PDE8A: variants seen among roughly 807,000 people sequenced by gnomAD.
The protein encoded by PDE8A is high affinity cAMP-specific and IBMX-insensitive 3',5'-cyclic phosphodiesterase 8A.
In PDE8A, 59 loss-of-function variants were observed where a neutral mutation model predicts 105.0. The observed-to-expected ratio is 0.56, with a 90% CI of 0.46 to 0.70. The LOEUF is 0.70. Among genes scored for constraint, PDE8A ranks in the 30% least tolerant of loss-of-function variants. PDE8A has a pLI of 0.00. For synonymous variants in PDE8A, 355 were observed against 371.9 expected, an observed-to-expected ratio of 0.95 and a Z score of 0.52; for missense variants, 1,014 against 1,045.9, an observed-to-expected ratio of 0.97 and a Z score of 0.42.
chr15:85,037,074 T>G (rs1267552915), intron 1 of PDE8A, among the ~76,000 whole-genome samples: 4 of 151,886 alleles, frequency 2.6e-5, no homozygotes, highest in Non-Finnish European at 5.9e-5. Flanking sequence ...AATTTTTTTT[T>G]TTTTTTTGGA....
At chr15:85,018,981 A>G (rs967360509) in intron 1 of PDE8A, among the ~76,000 whole-genome samples, 2 of 152,130 alleles carry the variant, frequency 1.3e-5, no homozygotes, top group Non-Finnish European at 2.9e-5. Context: ...GTATTTTTGC[A>G]TCATGTAGAA....
intron 4 of PDE8A, among the ~76,000 whole-genome samples, 185 bp downstream of exon 4, chr15:85,076,103 T>C (rs545871647): frequency 2.0e-4 from 30 of 152,346 alleles, no homozygotes; most frequent in Non-Finnish European, 1.2e-4. Flanking sequence ...TGTGCTCTCA[T>C]GCTAGATTTT....
intron 1 of PDE8A, among the ~76,000 whole-genome samples, chr15:85,035,136 A>G (rs751252160): frequency 6.6e-6 from 1 of 151,538 alleles, no homozygotes; most frequent in Non-Finnish European, 1.5e-5. Context: ...GAGCAACTCA[A>G]AACCTGGTAT....
chr15:84,987,903 A>G (rs536873812), intron 1 of PDE8A, among the ~76,000 whole-genome samples: 2 of 152,310 alleles, frequency 1.3e-5, no homozygotes, highest in South Asian at 2.1e-4. Context: ...AGGGATAAGT[A>G]CTTAGGACAT....
intron 1 of PDE8A, among the ~76,000 whole-genome samples, chr15:85,050,667 G>A (rs961666808): frequency 6.6e-6 from 1 of 152,010 alleles, no homozygotes; most frequent in Admixed American, 6.5e-5. Context: ...TAGTTCGTTG[G>A]TCTGTATGTC....
intron 17 of PDE8A, 32 bp from the exon 18 acceptor site, chr15:85,120,765 A>T: frequency 7.0e-7 from 1 of 1,425,746 alleles, no homozygotes; most frequent in South Asian, 1.3e-5. Context: ...TCAGTGTCAT[A>T]CCCCAGTTTT....
chr15:84,998,139 C>G (rs1401122738), intron 1 of PDE8A, among the ~76,000 whole-genome samples: 2 of 152,082 alleles, frequency 1.3e-5, no homozygotes, highest in African/African-American at 4.8e-5. Flanking sequence ...CTGAGTGGGA[C>G]CTTTGACTTT....
At chr15:85,133,875 C>G (rs1255534064) in intron 20 of PDE8A, among the ~76,000 whole-genome samples, 1 of 152,198 alleles carries the variant, frequency 6.6e-6, no homozygotes, top group Non-Finnish European at 1.5e-5. Flanking sequence ...GCTGGGGCTG[C>G]TTGACTTCAT....
At chr15:85,074,686 G>A (rs571879129) in intron 3 of PDE8A, among the ~76,000 whole-genome samples, 1 of 152,322 alleles carries the variant, frequency 6.6e-6, no homozygotes, top group East Asian at 1.9e-4. Flanking sequence ...AAAAGATGGG[G>A]GCATCCATCG....
chr15:85,092,789 GT>G (rs1018385775), intron 8 of PDE8A, among the ~76,000 whole-genome samples: 1 of 152,174 alleles, frequency 6.6e-6, no homozygotes, highest in African/African-American at 2.4e-5. Context: ...CTTTGCTGGG[GT>G]TGTGCTCTTG....
intron 1 of PDE8A, among the ~76,000 whole-genome samples, chr15:84,999,185 A>G (rs1292756302): frequency 4.0e-5 from 6 of 149,264 alleles, no homozygotes; most frequent in African/African-American, 7.4e-5. Flanking sequence ...CAGTGGTGCA[A>G]TCTTGACTCA....
At chr15:85,093,069 T>G (rs2081674725) in intron 8 of PDE8A, among the ~76,000 whole-genome samples, 1 of 152,120 alleles carries the variant, frequency 6.6e-6, no homozygotes, top group Middle Eastern at 3.2e-3. Flanking sequence ...CCGTCATGCC[T>G]AATTTTTTAA....
At chr15:85,029,892 G>A (rs900727220) in intron 1 of PDE8A, among the ~76,000 whole-genome samples, 2 of 152,130 alleles carry the variant, frequency 1.3e-5, no homozygotes, top group African/African-American at 4.8e-5. Context: ...AGGTGGGAAG[G>A]GGGACACTCT....
chr15:85,088,781 G>A (rs760826150), intron 6 of PDE8A, among the ~76,000 whole-genome samples: 5 of 152,068 alleles, frequency 3.3e-5, no homozygotes, highest in Non-Finnish European at 5.9e-5. Context: ...ATTGTCACTT[G>A]TATAATTTTA....
intron 9 of PDE8A, among the ~76,000 whole-genome samples, chr15:85,098,428 T>C (rs1357238008): frequency 6.6e-6 from 1 of 152,238 alleles, no homozygotes; most frequent in African/African-American, 2.4e-5. Flanking sequence ...GATAAAAATA[T>C]TTTAAATACT....
chr15:84,999,378 C>T (rs1278982112), intron 1 of PDE8A, among the ~76,000 whole-genome samples: 1 of 152,188 alleles, frequency 6.6e-6, no homozygotes, highest in African/African-American at 2.4e-5. Flanking sequence ...CTGCCTCGGC[C>T]TCCCAGTGTA....
chr15:85,041,659 C>G (rs2080810392), intron 1 of PDE8A, among the ~76,000 whole-genome samples: 1 of 152,144 alleles, frequency 6.6e-6, no homozygotes, highest in Non-Finnish European at 1.5e-5. Flanking sequence ...AACTTCTGGT[C>G]AAGATTTTGC....
At chr15:85,010,753 G>C (rs2080226331) in intron 1 of PDE8A, among the ~76,000 whole-genome samples, 1 of 152,176 alleles carries the variant, frequency 6.6e-6, no homozygotes, top group African/African-American at 2.4e-5. Flanking sequence ...GAGCCCCTGT[G>C]AGGTTGCATG....
intron 1 of PDE8A, among the ~76,000 whole-genome samples, chr15:85,058,522 A>G (rs1051722313): frequency 7.9e-5 from 12 of 152,160 alleles, no homozygotes; most frequent in African/African-American, 2.4e-4. Flanking sequence ...CTGTGAAGCT[A>G]TTGGGTCCAG....
Sources: allele counts gnomAD v4.1 joint callset (sites outside exome capture counted in the v4.1 genomes callset), GRCh38; gene constraint gnomAD v4.1.1; transcripts MANE v1.5; gene names NCBI Gene and HGNC (gene_info 2026-07-23, HGNC 2026-07-21).